The following MTHFD2L variants were observed in gnomAD, a reference collection of about 807,000 sequenced individuals.
MTHFD2L encodes the protein methylenetetrahydrofolate dehydrogenase (NADP+ dependent) 2 like.
In MTHFD2L, 29 loss-of-function variants were observed where a neutral mutation model predicts 34.9. The observed-to-expected ratio is 0.83, with a 90% CI of 0.62 to 1.13. MTHFD2L has a LOEUF of 1.13. MTHFD2L is among the 50% of genes most tolerant of loss of function. MTHFD2L has a pLI of 0.00. For missense variants in MTHFD2L, 481 were observed against 446.5 expected (o/e 1.08, Z -0.70); for synonymous variants, 167 against 155.7 (o/e 1.07, Z -0.54).
intron 1 of MTHFD2L, chr4:74,160,711 C>A (rs1725249984): frequency 2.6e-5 from 4 of 152,226 alleles, no homozygotes; most frequent in Admixed American, 2.6e-4. Context: ...AAATTTTTCC[C>A]ATTTTGTTGT....
intron 1 of MTHFD2L, among the ~76,000 whole-genome samples, chr4:74,131,931 G>A (rs1021976145): frequency 2.0e-5 from 3 of 152,120 alleles, no homozygotes; most frequent in Admixed American, 6.6e-5. Context: ...TGAAGGATGT[G>A]AACAGACACT....
intron 6 of MTHFD2L, among the ~76,000 whole-genome samples, chr4:74,246,918 C>A (rs1021728826): frequency 6.6e-6 from 1 of 152,160 alleles, no homozygotes. Flanking sequence ...AGCATGATGT[C>A]TCCAGCTTTG....
upstream of MTHFD2L, among the ~76,000 whole-genome samples, chr4:74,119,558 C>G (rs192321412): frequency 2.0e-4 from 30 of 152,078 alleles, no homozygotes; most frequent in African/African-American, 7.0e-4. Flanking sequence ...CCGAGGCGGG[C>G]GGATCACGAG....
At chr4:74,201,675 T>C (rs1734465451) in intron 5 of MTHFD2L, among the ~76,000 whole-genome samples, 1 of 151,286 alleles carries the variant, frequency 6.6e-6, no homozygotes, top group African/African-American at 2.4e-5. Flanking sequence ...CCTCAGGAAA[T>C]ACAAAACAAG....
chr4:74,218,630 C>CA (rs1378044806), intron 5 of MTHFD2L, among the ~76,000 whole-genome samples: 9 of 151,076 alleles, frequency 6.0e-5, no homozygotes, highest in East Asian at 3.9e-4. Context: ...CCCCCACCAC[C>CA]AAAAAAATGA....
intron 5 of MTHFD2L, among the ~76,000 whole-genome samples, chr4:74,213,428 A>G (rs188402387): frequency 6.6e-4 from 101 of 152,256 alleles, no homozygotes; most frequent in African/African-American, 1.9e-3. Flanking sequence ...GCTTATCTGT[A>G]AAGGATTTTA....
intron 6 of MTHFD2L, among the ~76,000 whole-genome samples, chr4:74,256,434 A>T (rs958862592): frequency 2.0e-5 from 3 of 151,996 alleles, no homozygotes; most frequent in Admixed American, 1.3e-4. Flanking sequence ...TTTTGTTGCG[A>T]TTGCTTTTGA....
intron 1 of MTHFD2L, among the ~76,000 whole-genome samples, chr4:74,128,441 C>A (rs778410802): frequency 7.2e-5 from 11 of 152,024 alleles, no homozygotes; most frequent in Admixed American, 1.3e-4. Context: ...ATATGGTTAT[C>A]CAGTTTTCCC....
At chr4:74,250,961 CCT>C (rs1388317663) in intron 6 of MTHFD2L, among the ~76,000 whole-genome samples, 1 of 152,116 alleles carries the variant, frequency 6.6e-6, no homozygotes, top group African/African-American at 2.4e-5. Context: ...TATGTTATTC[CCT>C]CTCAGAGTTG....
upstream of MTHFD2L, among the ~76,000 whole-genome samples, chr4:74,154,390 C>T (rs1724119136): frequency 6.6e-6 from 1 of 152,140 alleles, no homozygotes; most frequent in Admixed American, 6.5e-5. Flanking sequence ...AATTCTACTC[C>T]TCCTTCAGAG....
chr4:74,144,855 A>G (rs1723494871), intron 1 of MTHFD2L, among the ~76,000 whole-genome samples: 1 of 152,168 alleles, frequency 6.6e-6, no homozygotes, highest in Non-Finnish European at 1.5e-5. Flanking sequence ...ACCTATATAG[A>G]GACTTCCTAT....
At chr4:74,122,496 G>T (rs945916994), upstream of MTHFD2L, among the ~76,000 whole-genome samples, 1 of 152,110 alleles carries the variant, frequency 6.6e-6, no homozygotes, top group Non-Finnish European at 1.5e-5. Context: ...CCCCAACACT[G>T]GGAATTACAA....
At chr4:74,285,980 T>C (rs889282647) in intron 7 of MTHFD2L, among the ~76,000 whole-genome samples, 1 of 152,168 alleles carries the variant, frequency 6.6e-6, no homozygotes, top group Admixed American at 6.6e-5. Flanking sequence ...CCAACCATTA[T>C]GTTCTTTTCC....
intron 7 of MTHFD2L, among the ~76,000 whole-genome samples, chr4:74,287,316 A>G (rs1241697684): frequency 6.6e-6 from 1 of 152,188 alleles, no homozygotes; most frequent in Non-Finnish European, 1.5e-5. Flanking sequence ...GGTTATGTTC[A>G]GTGCATGTAT....
chr4:74,206,837 T>C (rs576715393), intron 5 of MTHFD2L, among the ~76,000 whole-genome samples: 1 of 152,304 alleles, frequency 6.6e-6, no homozygotes, highest in East Asian at 1.9e-4. Context: ...ACTAAGGCAT[T>C]ATGGTTACTA....
chr4:74,142,118 G>A (rs768638482), intron 1 of MTHFD2L, among the ~76,000 whole-genome samples: 1 of 152,146 alleles, frequency 6.6e-6, no homozygotes, highest in African/African-American at 2.4e-5. Context: ...GGCTGAACTG[G>A]GTGAGGAAGT....
chr4:74,166,806 C>T (rs1726806420), intron 1 of MTHFD2L, among the ~76,000 whole-genome samples: 1 of 152,164 alleles, frequency 6.6e-6, no homozygotes, highest in East Asian at 1.9e-4. Flanking sequence ...GTAAGCCTGC[C>T]CCAGTACCAG....
intron 7 of MTHFD2L, among the ~76,000 whole-genome samples, chr4:74,292,557 A>G (rs1260448683): frequency 6.6e-6 from 1 of 152,094 alleles, no homozygotes; most frequent in Non-Finnish European, 1.5e-5. Flanking sequence ...ATATTCAGTG[A>G]CTTCAGGCAA....
intron 2 of MTHFD2L, among the ~76,000 whole-genome samples, 181 bp downstream of exon 2, chr4:74,174,871 A>C (rs1447158142): frequency 2.0e-5 from 3 of 152,142 alleles, no homozygotes; most frequent in African/African-American, 7.2e-5. Context: ...CAAATTTCTT[A>C]TAGGGTTAAT....
Sources: gnomAD v4.1 joint callset for allele counts (sites outside exome capture counted in the v4.1 genomes callset) on GRCh38, gnomAD v4.1.1 for gene constraint, MANE v1.5 for transcripts, NCBI Gene and HGNC (gene_info 2026-07-23, HGNC 2026-07-21) for gene names.